The following LGR6 variants were observed in gnomAD, a reference collection of about 807,000 sequenced individuals.
LGR6 encodes leucine rich repeat containing G protein-coupled receptor 6, also known as leucine-rich repeat-containing G protein-coupled receptor 6.
A neutral mutation model predicts 69.4 loss-of-function variants in LGR6; 45 were observed. The ratio of observed to expected loss-of-function variants is 0.65; its 90% CI spans 0.51 to 0.83. LGR6 has a LOEUF of 0.83. LGR6 is among the 40% of genes least tolerant of loss of function. LGR6 has a pLI of 0.00. For synonymous variants in LGR6, 538 were observed against 555.0 expected (o/e 0.97, Z 0.43); for missense variants, 1,108 against 1,246.7 (o/e 0.89, Z 1.68).
At chr1:202,273,523 T>C (rs1229786373) in intron 4 of LGR6, among the ~76,000 whole-genome samples, 1 of 150,780 alleles carries the variant, frequency 6.6e-6, no homozygotes, top group African/African-American at 2.4e-5. Flanking sequence ...AATGGTGTGA[T>C]CTCGGCTCAC....
intron 4 of LGR6, among the ~76,000 whole-genome samples, chr1:202,273,647 G>A (rs1370562073): frequency 6.6e-6 from 1 of 151,660 alleles, no homozygotes; most frequent in Non-Finnish European, 1.5e-5. Flanking sequence ...AGTAGAGACG[G>A]GGTTTCGCTA....
In LGR6 at chr1:202,276,357, G is replaced by T. The variant is rs778364571; in HGVS notation, c.480G>T (p.Gly160=). Residue 160 remains glycine, a synonymous_variant, in exon 5 of 18, where the codon GGG becomes GGT. Transcript: ENST00000367278. ...ISLVPERSFE[G]LSSLRHLWLD... Reference sequence around the variant, plus strand: ...TGGTCCCGGAGAGGAGCTTTGAGGGGCTGTCCTCCCTCCGCCACCTCTGGC... The same window carrying T: ...TGGTCCCGGAGAGGAGCTTTGAGGGTCTGTCCTCCCTCCGCCACCTCTGGC... The T allele has an allele frequency of 5.6e-6, 9 of 1,614,168 alleles. No homozygotes were observed. In the South Asian group the frequency reaches 7.7e-5, roughly 14 times the overall value.
intron 10 of LGR6, among the ~76,000 whole-genome samples, chr1:202,304,049 G>A (rs1328914045): frequency 6.6e-6 from 1 of 152,164 alleles, no homozygotes; most frequent in Non-Finnish European, 1.5e-5. Flanking sequence ...TGCCCCCACA[G>A]CCCTCTCCAG....
At chr1:202,238,567 G>A (rs1207270638) in intron 4 of LGR6, among the ~76,000 whole-genome samples, 1 of 151,792 alleles carries the variant, frequency 6.6e-6, no homozygotes, top group Non-Finnish European at 1.5e-5. Context: ...GGGACTACAG[G>A]CGTGGGCTAC....
At chr1:202,242,904 T>C (rs1346347399) in intron 4 of LGR6, among the ~76,000 whole-genome samples, 1 of 152,334 alleles carries the variant, frequency 6.6e-6, no homozygotes, top group South Asian at 2.1e-4. Context: ...GCTAGCACTT[T>C]CCATGTGCAA....
chr1:202,312,781 A>G (rs1001392574), intron 16 of LGR6, among the ~76,000 whole-genome samples: 1 of 152,230 alleles, frequency 6.6e-6, no homozygotes, highest in African/African-American at 2.4e-5. Context: ...GTGATGGATT[A>G]TCACTGCAAA....
intron 11 of LGR6, among the ~76,000 whole-genome samples, chr1:202,304,856 G>A (rs1358084540): frequency 6.6e-6 from 1 of 152,102 alleles, no homozygotes; most frequent in South Asian, 2.1e-4. Flanking sequence ...TCTGAGCTTC[G>A]ATATCCTCGT....
chr1:202,295,200 C>G (rs994061187), intron 6 of LGR6, among the ~76,000 whole-genome samples: 1 of 151,816 alleles, frequency 6.6e-6, no homozygotes, highest in African/African-American at 2.4e-5. Flanking sequence ...TGGTGGCACA[C>G]GCCTGTAATC....
intron 6 of LGR6, among the ~76,000 whole-genome samples, chr1:202,291,230 C>G (rs751007125): frequency 3.3e-5 from 5 of 152,212 alleles, no homozygotes; most frequent in Non-Finnish European, 7.3e-5. Context: ...CAGTCCTTCC[C>G]CCTCTGCTTC....
chr1:202,215,018 T>C (rs1009064687), intron 1 of LGR6, among the ~76,000 whole-genome samples: 49 of 146,698 alleles, frequency 3.3e-4, no homozygotes, highest in African/African-American at 1.2e-3. Context: ...TGTGTGTGTG[T>C]GTGCGCGCGC....
At chr1:202,279,370 G>A (rs925877690) in intron 5 of LGR6, among the ~76,000 whole-genome samples, 5 of 152,060 alleles carry the variant, frequency 3.3e-5, no homozygotes, top group East Asian at 1.9e-4. Context: ...CAGGAGTCCC[G>A]TCCTTACCCA....
chr1:202,207,495 G>T (rs536991254), intron 1 of LGR6, among the ~76,000 whole-genome samples: 2 of 152,312 alleles, frequency 1.3e-5, no homozygotes, highest in South Asian at 2.1e-4. Context: ...GTGTTTCTGG[G>T]AATGAGGCAG....
chr1:202,318,536 C>T lies in LGR6; in HGVS notation c.2233C>T (p.Leu745=). 3.7e-6 allele frequency: 6 copies of T among 1,614,132 alleles called. No individual in the cohort carries two copies. The highest frequency in any genetic ancestry group is 5.1e-6 in the Non-Finnish European group (6 of 1,180,008). ...ALVMMNSFCF[L]VVAGAYIKLY... The stretch of plus-strand genomic sequence containing the variant: ...GGTGATGATGAACTCCTTCTGTTTC[C>T]TGGTCGTGGCCGGTGCCTACATCAA... The change falls in exon 18 of 18, where the codon CTG becomes TTG. Residue 745 remains leucine (L), a synonymous_variant. Coordinates refer to ENST00000367278, the MANE Select transcript of LGR6 (RefSeq NM_001017403.2).
chr1:202,262,513 C>A (rs1351298648), intron 4 of LGR6, among the ~76,000 whole-genome samples: 2 of 151,968 alleles, frequency 1.3e-5, no homozygotes, highest in Non-Finnish European at 2.9e-5. Context: ...AGTTTGAAGT[C>A]AGGTAGCATG....
chr1:202,213,950 A>T, intron 1 of LGR6: 1 of 661,708 alleles, frequency 1.5e-6, no homozygotes, highest in Non-Finnish European at 1.9e-6. Context: ...CTTGTTGGGC[A>T]GGTATTTTAG....
rs757554050 is a variant in LGR6 at position 202,303,316 on chromosome 1, G to T, written c.967G>T (p.Asp323Tyr). ...TGCCATGGACATCCAGGAGTTTCCA[G>T]ATCTCAAAGGCACCACCAGCCTGGA... ...NGAMDIQEFP[D>Y]LKGTTSLEIL... The change falls in exon 10 of 18, where the codon GAT becomes TAT. Residue 323 changes from aspartate to tyrosine, a missense_variant. By Grantham distance (160) the Asp-to-Tyr change is radical. Coordinates refer to ENST00000367278, the MANE Select transcript of LGR6 (RefSeq NM_001017403.2). 1.4e-5 allele frequency: 23 copies of T among 1,614,060 alleles called. No individual in the cohort carries two copies. In the Admixed American group the frequency reaches 3.7e-4, roughly 26 times the overall value.
rs1665549015 is a variant in LGR6, at chr1:202,276,331, C to G, written c.454C>G (p.Leu152Val). ...GCGCCTAGATGCCAACCTCATCTCC[C>G]TGGTCCCGGAGAGGAGCTTTGAGGG... The part of the protein sequence containing the change: ...SLRLDANLIS[L>V]VPERSFEGLS... The change falls in exon 5 of 18, where the codon CTG (leucine) becomes GTG (valine). Residue 152 changes from leucine to valine, a missense_variant. Physicochemically the swap from Leu to Val is conservative, Grantham distance 32 (BLOSUM62 1). Coordinates refer to ENST00000367278, the MANE Select transcript of LGR6 (RefSeq NM_001017403.2). 1.2e-6 allele frequency: 2 copies of G among 1,613,972 alleles called. No individual in the cohort carries two copies. Among genetic ancestry groups the G allele is most frequent in the Non-Finnish European group, 1.7e-6 (2 of 1,179,978 alleles).
intron 1 of LGR6, among the ~76,000 whole-genome samples, chr1:202,208,563 CTG>C (rs1395525034): frequency 6.6e-6 from 1 of 152,000 alleles, no homozygotes; most frequent in Non-Finnish European, 1.5e-5. Context: ...ACCTCGAGGG[CTG>C]TGTGCCTACC....
chr1:202,297,789 G>A (rs1234756208), intron 7 of LGR6, among the ~76,000 whole-genome samples: 1 of 152,010 alleles, frequency 6.6e-6, no homozygotes, highest in East Asian at 1.9e-4. Flanking sequence ...CACTTCCTGG[G>A]GGTGTGTCAA....
Sources: gnomAD v4.1 joint callset for allele counts (sites outside exome capture counted in the v4.1 genomes callset) on GRCh38, gnomAD v4.1.1 for gene constraint, MANE v1.5 for transcripts, NCBI Gene and HGNC (gene_info 2026-07-23, HGNC 2026-07-21) for gene names.